The following SERPINB10 variants were observed in gnomAD, a reference collection of about 807,000 sequenced individuals.
SERPINB10 encodes serpin B10.
A neutral mutation model predicts 39.1 loss-of-function variants in SERPINB10; 35 were observed. The ratio of observed to expected loss-of-function variants is 0.90; its 90% CI spans 0.68 to 1.19. SERPINB10 has a LOEUF of 1.19. Ranked by LOEUF, SERPINB10 falls within the 50% of genes most tolerant of loss-of-function variation. The pLI is 0.00. For synonymous variants in SERPINB10, 190 were observed against 158.1 expected, an observed-to-expected ratio of 1.20 and a Z score of -1.52; for missense variants, 546 against 460.5, an observed-to-expected ratio of 1.19 and a Z score of -1.70.
At chr18:63,932,964 A>G in intron 6 of SERPINB10, 84 bp from the exon 7 acceptor site, 1 of 1,280,264 alleles carries the variant, frequency 7.8e-7, no homozygotes, top group South Asian at 1.3e-5. Flanking sequence ...ACTGAGAGCC[A>G]ATGATGGTAG....
At chr18:63,915,088 T>C (rs1331053342) in intron 1 of SERPINB10, among the ~76,000 whole-genome samples, 4 of 152,100 alleles carry the variant, frequency 2.6e-5, no homozygotes, top group Admixed American at 2.0e-4. Flanking sequence ...GCAAAATCCT[T>C]AGCTAGGTGC....
intron 7 of SERPINB10, among the ~76,000 whole-genome samples, chr18:63,933,647 G>A (rs1196062252): frequency 6.6e-6 from 1 of 152,150 alleles, no homozygotes; most frequent in Admixed American, 6.5e-5. Flanking sequence ...CAGACATCAA[G>A]CTGTCTTCCA....
At chr18:63,928,178 T>C (rs568206676) in intron 5 of SERPINB10, among the ~76,000 whole-genome samples, 1 of 152,198 alleles carries the variant, frequency 6.6e-6, no homozygotes, top group Middle Eastern at 3.4e-3. Context: ...TTTTAACAGC[T>C]TTCCCATGTC....
Position 63,928,836 on chromosome 18 carries a change from G to GC in SERPINB10, c.491-1208dup, listed in dbSNP as rs1237968220. Among the ~76,000 whole-genome samples the GC allele has an allele frequency of 2.6e-5, 3 of 113,852 alleles. No individual in the cohort carries two copies. In the East Asian group the frequency reaches 7.8e-4, roughly 30 times the overall value. 74.7% of individuals were successfully genotyped at this position (113,852 alleles called of 152,430 possible). ...TGAATGGGAGTTCACTCATGATTTG[G>GC]CTCTCTGTCTGTTGTTGGTGTATAA... On this transcript the variant is annotated intron_variant, in intron 5 of 7. Coordinates refer to ENST00000238508, the MANE Select transcript of SERPINB10 (RefSeq NM_005024.3).
At chr18:63,923,523 C>G (rs1396862843) in intron 5 of SERPINB10, among the ~76,000 whole-genome samples, 1 of 151,850 alleles carries the variant, frequency 6.6e-6, no homozygotes, top group Admixed American at 6.6e-5. Context: ...AAACCTGCAC[C>G]CTGAACCTTC....
At chr18:63,922,203 C>G (rs888768569) in intron 5 of SERPINB10, among the ~76,000 whole-genome samples, 1 of 151,944 alleles carries the variant, frequency 6.6e-6, no homozygotes, top group Non-Finnish European at 1.5e-5. Context: ...ATTGGCAGCC[C>G]TAAGTGCTCA....
At position 63,925,290 on chromosome 18, in the gene SERPINB10, C is replaced by A. The variant is rs1015691809; in HGVS notation, c.491-4755C>A. Among the ~76,000 whole-genome samples the A allele has an allele frequency of 2.0e-5, 3 of 151,906 alleles. No homozygotes were observed. The East Asian group carries it at 5.8e-4, about 29-fold the overall frequency. On this transcript the variant is annotated intron_variant, in intron 5 of 7. Transcript: ENST00000238508. ...TGTATAATGCATACATTTCCTAGCC[C>A]CATTTGCTGAGAGGATCTGGAAGCA...
chr18:63,910,759 CTT>C (rs34933963), intron 1 of SERPINB10, among the ~76,000 whole-genome samples: 39,389 of 151,360 alleles, frequency 0.26, 5,728 homozygotes, highest in African/African-American at 0.39. Context: ...GTGATGAACA[CTT>C]GTGTGTGTGT....
At chr18:63,911,519 C>T (rs2050064218) in intron 1 of SERPINB10, among the ~76,000 whole-genome samples, 1 of 151,946 alleles carries the variant, frequency 6.6e-6, no homozygotes, top group South Asian at 2.1e-4. Context: ...ATCCCAGCAT[C>T]ATTTATTGAA....
At chr18:63,932,931 G>C in intron 6 of SERPINB10, 117 bp from the exon 7 acceptor site, 1 of 899,270 alleles carries the variant, frequency 1.1e-6, no homozygotes, top group Non-Finnish European at 1.7e-6. Context: ...TCAGCATTTA[G>C]CAGAGAATCA....
intron 1 of SERPINB10, among the ~76,000 whole-genome samples, chr18:63,913,077 A>G (rs2050076507): frequency 6.6e-6 from 1 of 152,006 alleles, no homozygotes; most frequent in Non-Finnish European, 1.5e-5. Flanking sequence ...AGGTAGTCAT[A>G]GTAGTCTCTG....
intron 1 of SERPINB10, among the ~76,000 whole-genome samples, chr18:63,913,510 G>A (rs115411096): frequency 7.2e-5 from 11 of 151,796 alleles, no homozygotes; most frequent in East Asian, 1.9e-4. Flanking sequence ...TGATTTCTGC[G>A]GTAATTTCAT....
intron 5 of SERPINB10, among the ~76,000 whole-genome samples, chr18:63,922,465 G>A (rs1426129104): frequency 1.3e-5 from 2 of 151,936 alleles, no homozygotes; most frequent in African/African-American, 4.8e-5. Context: ...GAATGGTGCT[G>A]GAGTTGGGCA....
intron 7 of SERPINB10, among the ~76,000 whole-genome samples, chr18:63,934,297 C>G (rs1020740191): frequency 1.3e-5 from 2 of 152,016 alleles, no homozygotes; most frequent in African/African-American, 4.8e-5. Flanking sequence ...GGAAAGCATC[C>G]TTAAACTCAC....
chr18:63,917,526 A>C lies in SERPINB10; in HGVS notation c.234+5A>C. The C allele has an allele frequency of 6.7e-7, 1 of 1,493,610 alleles. No individual in the cohort carries two copies. The highest frequency in any genetic ancestry group is 1.2e-5 in the South Asian group (1 of 80,012). 92.5% of individuals were successfully genotyped at this position (1,493,610 alleles called of 1,614,324 possible). A position where few individuals can be genotyped will look rare whatever the true frequency, so the allele number is the denominator to read the frequency against. ...AGTGAAAAAAAAAGGAAAATGGTAT[A>C]TCTTATCCTTTAATATATATTTCAT... On this transcript the variant is annotated splice_donor_5th_base_variant and intron_variant, in intron 3 of 7. Coordinates refer to ENST00000238508, the MANE Select transcript of SERPINB10 (RefSeq NM_005024.3).
At chr18:63,921,087 C>T (rs113460263) in intron 5 of SERPINB10, among the ~76,000 whole-genome samples, 2,381 of 151,984 alleles carry the variant, frequency 0.016, 71 homozygotes, top group African/African-American at 0.053. Context: ...TTTAAATCAA[C>T]ATTTCAATTG....
chr18:63,918,346 G>A (rs531567937), intron 4 of SERPINB10, among the ~76,000 whole-genome samples: 1 of 152,006 alleles, frequency 6.6e-6, no homozygotes, highest in Non-Finnish European at 1.5e-5. Flanking sequence ...CCTGAGAATG[G>A]CCTACAAATA....
chr18:63,926,916 A>C (rs1263630332), intron 5 of SERPINB10, among the ~76,000 whole-genome samples: 2 of 152,132 alleles, frequency 1.3e-5, no homozygotes, highest in Middle Eastern at 3.4e-3. Context: ...CTAGGATGTA[A>C]TTATATCATT....
chr18:63,911,537 C>G (rs545599944), intron 1 of SERPINB10, among the ~76,000 whole-genome samples: 1 of 151,992 alleles, frequency 6.6e-6, no homozygotes, highest in East Asian at 1.9e-4. Flanking sequence ...GAATAGAGTC[C>G]TTTCCCAATT....
Sources: gnomAD v4.1 joint callset for allele counts (sites outside exome capture counted in the v4.1 genomes callset) on GRCh38, gnomAD v4.1.1 for gene constraint, MANE v1.5 for transcripts, NCBI Gene and HGNC (gene_info 2026-07-23, HGNC 2026-07-21) for gene names.